ATP8A2: variants seen among roughly 807,000 people sequenced by gnomAD.
ATP8A2 encodes the protein phospholipid-transporting ATPase IB.
ATP8A2 carries 100 observed loss-of-function variants against 165.6 expected under a neutral mutation model. The ratio of observed to expected loss-of-function variants is 0.60; its 90% CI spans 0.51 to 0.71. ATP8A2 has a LOEUF of 0.71. Among genes scored for constraint, ATP8A2 ranks in the 30% least tolerant of loss-of-function variants. ATP8A2 has a pLI of 0.00. For missense variants in ATP8A2, 1,227 were observed against 1,479.5 expected (o/e 0.83, Z 2.80); for synonymous variants, 543 against 548.8 (o/e 0.99, Z 0.15).
At chr13:25,854,979 G>A (rs61949368) in intron 30 of ATP8A2, among the ~76,000 whole-genome samples, 19,746 of 152,100 alleles carry the variant, frequency 0.13, 1,557 homozygotes, top group Non-Finnish European at 0.18. Context: ...GGCCGGGCAC[G>A]GTGGCTCATG....
intron 25 of ATP8A2, among the ~76,000 whole-genome samples, chr13:25,729,783 C>T (rs899916049): frequency 4.6e-5 from 7 of 152,042 alleles, no homozygotes; most frequent in African/African-American, 1.7e-4. Context: ...ACTCATCACT[C>T]TAGCACTTCC....
chr13:25,674,953 C>T (rs2042343220), intron 24 of ATP8A2, among the ~76,000 whole-genome samples: 1 of 152,192 alleles, frequency 6.6e-6, no homozygotes, highest in Non-Finnish European at 1.5e-5. Context: ...AAGCAAATTT[C>T]AGTCACCAAA....
At chr13:25,736,788 C>T (rs1267026333) in intron 25 of ATP8A2, among the ~76,000 whole-genome samples, 6 of 152,124 alleles carry the variant, frequency 3.9e-5, no homozygotes, top group African/African-American at 9.7e-5. Flanking sequence ...TATCAACAGG[C>T]AGGCTCTAGT....
At chr13:25,647,645 G>C (rs1348967288) in intron 24 of ATP8A2, among the ~76,000 whole-genome samples, 1 of 151,702 alleles carries the variant, frequency 6.6e-6, no homozygotes, top group Non-Finnish European at 1.5e-5. Flanking sequence ...TTTCCCCCCA[G>C]TAAGAAAAGT....
chr13:25,968,397 C>T (rs1195246162), intron 34 of ATP8A2, among the ~76,000 whole-genome samples, 178 bp from the exon 35 acceptor site: 2 of 152,170 alleles, frequency 1.3e-5, no homozygotes, highest in Non-Finnish European at 2.9e-5. Context: ...CAGGATACTT[C>T]CGGGCTGTGG....
At chr13:26,001,282 A>T (rs1424125329) in intron 35 of ATP8A2, among the ~76,000 whole-genome samples, 1 of 152,206 alleles carries the variant, frequency 6.6e-6, no homozygotes, top group African/African-American at 2.4e-5. Flanking sequence ...CACATTTGTC[A>T]GTTGGTGGAC....
At chr13:25,487,412 T>C (rs2036386157) in intron 2 of ATP8A2, among the ~76,000 whole-genome samples, 1 of 152,246 alleles carries the variant, frequency 6.6e-6, no homozygotes, top group Admixed American at 6.5e-5. Context: ...CCTGGTGATT[T>C]TGCTGAAGGC....
chr13:25,929,532 T>C (rs762003532), intron 33 of ATP8A2, among the ~76,000 whole-genome samples: 3 of 152,162 alleles, frequency 2.0e-5, no homozygotes, highest in Non-Finnish European at 2.9e-5. Flanking sequence ...CTCCCCTCCA[T>C]GCTACCCCTG....
At chr13:25,860,117 C>T (rs1952301197) in intron 30 of ATP8A2, 78 bp from the exon 31 acceptor site, 1 of 857,918 alleles carries the variant, frequency 1.2e-6, no homozygotes, top group Non-Finnish European at 1.9e-6. Context: ...TCCTAAAGTT[C>T]CCTGTTTAAT....
chr13:25,465,748 C>CCTCCCTCT (rs747184058), intron 1 of ATP8A2, among the ~76,000 whole-genome samples: 756 of 4,276 alleles, frequency 0.18, 162 homozygotes, highest in South Asian at 0.45. Flanking sequence ...TCCCTCCCTC[C>CCTCCCTCT]CTCTCTCTCT....
intron 16 of ATP8A2, among the ~76,000 whole-genome samples, chr13:25,569,867 A>T (rs2039416288): frequency 6.6e-6 from 1 of 152,232 alleles, no homozygotes; most frequent in African/African-American, 2.4e-5. Flanking sequence ...TGCCTTACAC[A>T]GTACTTCATG....
At chr13:25,655,451 A>G (rs2137655239) in intron 24 of ATP8A2, among the ~76,000 whole-genome samples, 1 of 152,256 alleles carries the variant, frequency 6.6e-6, no homozygotes, top group Non-Finnish European at 1.5e-5. Context: ...GAGCCACCAC[A>G]CCCAGCCATC....
Position 25,829,108 on chromosome 13 carries a change from G to T in ATP8A2, c.2754+916G>T, listed in dbSNP as rs530553059. On this transcript the variant is annotated intron_variant, in intron 28 of 36. Coordinates refer to ENST00000381655, the MANE Select transcript of ATP8A2 (RefSeq NM_016529.6). The stretch of plus-strand genomic sequence containing the variant: ...CCCCCCTTTATTGAATAACCTCAGT[G>T]CTGGGTGCTGATGTAAAATGCTGAA... Among the ~76,000 whole-genome samples, 28 of 152,302 alleles carry T rather than the reference G, an allele frequency of 1.8e-4. 1 individual carries two copies. In the South Asian group the frequency reaches 5.8e-3, roughly 32 times the overall value.
At chr13:25,649,162 C>T (rs1290814039) in intron 24 of ATP8A2, 1 of 414,438 alleles carries the variant, frequency 2.4e-6, no homozygotes, top group Non-Finnish European at 4.8e-6. Flanking sequence ...GGAACAGACC[C>T]TTATTATGTA....
Position 25,435,932 on chromosome 13 carries a change from AGTGT to A in ATP8A2, c.77-33029_77-33026del, listed in dbSNP as rs781137300. ...AGCATCGTGTGTGTGTGTGTGTGTG[AGTGT>A]GTGTGTGTGTGTGTGAGTGTGTGTG... On this transcript the variant is annotated intron_variant, in intron 1 of 36. Coordinates refer to ENST00000381655, the MANE Select transcript of ATP8A2 (RefSeq NM_016529.6). Among the ~76,000 whole-genome samples, 83 of 75,796 alleles carry A rather than the reference AGTGT, an allele frequency of 1.1e-3. 1 individual carries two copies. The highest frequency in any genetic ancestry group is 8.1e-3 in the East Asian group (3 of 372). The allele number at this position is 75,796 out of a possible 152,430, so 49.7% of individuals were successfully genotyped here. A position where few individuals can be genotyped will look rare whatever the true frequency, so the allele number is the denominator to read the frequency against.
intron 1 of ATP8A2, among the ~76,000 whole-genome samples, chr13:25,403,676 C>A (rs1287700928): frequency 6.6e-6 from 1 of 152,164 alleles, no homozygotes; most frequent in Non-Finnish European, 1.5e-5. Flanking sequence ...TTCCAGAACA[C>A]AATAGGAACA....
chr13:25,712,808 G>T (rs1362586451), intron 25 of ATP8A2, among the ~76,000 whole-genome samples: 1 of 152,194 alleles, frequency 6.6e-6, no homozygotes, highest in East Asian at 1.9e-4. Flanking sequence ...AAGTCGGGTA[G>T]GGATGATGGG....
intron 2 of ATP8A2, among the ~76,000 whole-genome samples, chr13:25,476,289 CTT>C (rs139651201): frequency 3.4e-5 from 5 of 145,202 alleles, no homozygotes; most frequent in Non-Finnish European, 4.6e-5. Context: ...AGAATCATAA[CTT>C]TTTTTTTTTT....
chr13:25,958,575 G>T (rs909655159), intron 33 of ATP8A2, among the ~76,000 whole-genome samples: 16 of 152,102 alleles, frequency 1.1e-4, no homozygotes, highest in African/African-American at 3.9e-4. Flanking sequence ...CCCACCTGAC[G>T]CTCACTTTCC....
Sources: gnomAD v4.1 joint callset for allele counts (sites outside exome capture counted in the v4.1 genomes callset) on GRCh38, gnomAD v4.1.1 for gene constraint, MANE v1.5 for transcripts, NCBI Gene and HGNC (gene_info 2026-07-23, HGNC 2026-07-21) for gene names.